The following ZNF385D variants were observed in gnomAD, a reference collection of about 807,000 sequenced individuals.
ZNF385D encodes zinc finger protein 659.
ZNF385D carries 15 observed loss-of-function variants against 35.8 expected under a neutral mutation model. The ratio of observed to expected loss-of-function variants is 0.42; its 90% CI spans 0.28 to 0.64. The LOEUF is 0.64. Ranked by LOEUF, ZNF385D falls within the 30% of genes least tolerant of loss-of-function variation. The pLI, the probability that ZNF385D is intolerant of heterozygous loss-of-function variation, is 0.23. For missense variants in ZNF385D, 474 were observed against 494.6 expected (o/e 0.96, Z 0.39); for synonymous variants, 212 against 186.8 (o/e 1.13, Z -1.10).
chr3:21,530,302 G>A (rs1437244304), intron 3 of ZNF385D, among the ~76,000 whole-genome samples: 1 of 152,168 alleles, frequency 6.6e-6, no homozygotes, highest in African/African-American at 2.4e-5. Context: ...GCAAAATGGA[G>A]TAACACAACA....
At chr3:21,757,525 G>C (rs1003103923) in intron 3 of ZNF385D, among the ~76,000 whole-genome samples, 3 of 152,082 alleles carry the variant, frequency 2.0e-5, no homozygotes, top group African/African-American at 7.2e-5. Flanking sequence ...CCAGCATTGA[G>C]AGCCAGAAAT....
chr3:21,867,701 A>G (rs534265707), intron 3 of ZNF385D, among the ~76,000 whole-genome samples: 1 of 151,772 alleles, frequency 6.6e-6, no homozygotes, highest in African/African-American at 2.4e-5. Flanking sequence ...ATGCCTTTCA[A>G]TGTCTCAATG....
chr3:21,678,777 T>A (rs1416216018), intron 1 of ZNF385D, among the ~76,000 whole-genome samples: 1 of 152,098 alleles, frequency 6.6e-6, no homozygotes, highest in African/African-American at 2.4e-5. Context: ...CCTGAATGAT[T>A]CTGATCTGTA....
intron 3 of ZNF385D, among the ~76,000 whole-genome samples, chr3:21,806,440 C>T (rs1270570926): frequency 6.6e-6 from 1 of 151,946 alleles, no homozygotes; most frequent in African/African-American, 2.4e-5. Flanking sequence ...CTCCTGACCT[C>T]GTGATGCACC....
At chr3:22,028,837 G>T (rs1332178636) in intron 3 of ZNF385D, among the ~76,000 whole-genome samples, 1 of 152,154 alleles carries the variant, frequency 6.6e-6, no homozygotes, top group East Asian at 1.9e-4. Context: ...ATGGCCTTTG[G>T]AAGTCACAAA....
chr3:22,095,968 T>C (rs1293983712), intron 3 of ZNF385D, among the ~76,000 whole-genome samples: 1 of 151,980 alleles, frequency 6.6e-6, no homozygotes, highest in African/African-American at 2.4e-5. Flanking sequence ...TTTAAAATGA[T>C]TCTGTAAATG....
chr3:21,749,467 G>A (rs1249994746), intron 1 of ZNF385D, among the ~76,000 whole-genome samples: 1 of 152,138 alleles, frequency 6.6e-6, no homozygotes, highest in African/African-American at 2.4e-5. Context: ...TATCATTACT[G>A]ATGCTGAAAT....
intron 3 of ZNF385D, among the ~76,000 whole-genome samples, chr3:21,927,943 G>A (rs1047692487): frequency 6.6e-5 from 10 of 152,126 alleles, no homozygotes; most frequent in Non-Finnish European, 1.5e-4. Context: ...AATCACATTG[G>A]CTAGACATGG....
chr3:21,466,024 A>G (rs1340343150), intron 4 of ZNF385D, among the ~76,000 whole-genome samples: 1 of 152,066 alleles, frequency 6.6e-6, no homozygotes, highest in Admixed American at 6.6e-5. Context: ...GTGGTCTACG[A>G]CCCTACCACC....
chr3:22,088,482 G>A (rs1393987346), intron 3 of ZNF385D, among the ~76,000 whole-genome samples: 1 of 152,126 alleles, frequency 6.6e-6, no homozygotes, highest in Non-Finnish European at 1.5e-5. Flanking sequence ...AGATGTGTAT[G>A]GATGAATCTG....
chr3:21,909,696 A>G (rs548868813), intron 3 of ZNF385D, among the ~76,000 whole-genome samples: 39 of 152,164 alleles, frequency 2.6e-4, no homozygotes, highest in African/African-American at 9.1e-4. Flanking sequence ...CAGAGGAGAA[A>G]GAAGAATGGA....
chr3:21,478,277 T>C (rs1013746617), intron 4 of ZNF385D, among the ~76,000 whole-genome samples: 1 of 152,144 alleles, frequency 6.6e-6, no homozygotes, highest in Admixed American at 6.5e-5. Flanking sequence ...ATATTTTGAA[T>C]ATTTGAATAT....
At chr3:22,003,796 G>A (rs1696015102) in intron 3 of ZNF385D, among the ~76,000 whole-genome samples, 2 of 151,646 alleles carry the variant, frequency 1.3e-5, no homozygotes, top group South Asian at 4.2e-4. Flanking sequence ...GAACCTAGGG[G>A]GCAGAGGCTG....
chr3:21,900,121 C>G (rs984422198), intron 3 of ZNF385D, among the ~76,000 whole-genome samples: 1 of 152,024 alleles, frequency 6.6e-6, no homozygotes, highest in African/African-American at 2.4e-5. Context: ...AATGTTCAAC[C>G]TAACAAAAAT....
At chr3:22,227,194 G>A (rs772124641) in intron 2 of ZNF385D, among the ~76,000 whole-genome samples, 1 of 151,832 alleles carries the variant, frequency 6.6e-6, no homozygotes, top group Non-Finnish European at 1.5e-5. Flanking sequence ...GGCGGGGGGG[G>A]TGTAGGTGCT....
At chr3:22,251,455 C>G (rs1455432417) in intron 2 of ZNF385D, among the ~76,000 whole-genome samples, 1 of 152,148 alleles carries the variant, frequency 6.6e-6, no homozygotes, top group Non-Finnish European at 1.5e-5. Flanking sequence ...TTCTCCAACT[C>G]ATTTATCTAC....
At chr3:22,076,420 C>G (rs2125573422) in intron 3 of ZNF385D, among the ~76,000 whole-genome samples, 1 of 151,878 alleles carries the variant, frequency 6.6e-6, no homozygotes, top group East Asian at 1.9e-4. Flanking sequence ...TGAATATTCC[C>G]CCACATCCTA....
At chr3:21,968,020 A>C (rs533128803) in intron 3 of ZNF385D, among the ~76,000 whole-genome samples, 15 of 152,318 alleles carry the variant, frequency 9.8e-5, no homozygotes, top group Middle Eastern at 3.4e-3. Flanking sequence ...GTAGGAAAGA[A>C]AGTCTTGAAT....
chr3:22,220,470 C>T (rs560348946), intron 2 of ZNF385D, among the ~76,000 whole-genome samples: 34 of 152,254 alleles, frequency 2.2e-4, no homozygotes, highest in South Asian at 1.7e-3. Flanking sequence ...TATCACAGCT[C>T]GGTTTAAAAA....
Sources: allele counts gnomAD v4.1 joint callset (sites outside exome capture counted in the v4.1 genomes callset), GRCh38; gene constraint gnomAD v4.1.1; transcripts MANE v1.5; gene names NCBI Gene and HGNC (gene_info 2026-07-23, HGNC 2026-07-21).